ACVR1B: variants seen among roughly 807,000 people sequenced by gnomAD.
ACVR1B encodes activin A receptor type 1B.
In ACVR1B, 15 loss-of-function variants were observed where a neutral mutation model predicts 55.6. The ratio of observed to expected loss-of-function variants is 0.27; its 90% CI spans 0.18 to 0.42. ACVR1B has a LOEUF of 0.42. Ranked by LOEUF, ACVR1B falls within the 10% of genes least tolerant of loss-of-function variation. The pLI, the probability that ACVR1B is intolerant of heterozygous loss-of-function variation, is 1.00. For missense variants in ACVR1B, 359 were observed against 670.1 expected, an observed-to-expected ratio of 0.54 and a Z score of 5.13; for synonymous variants, 247 against 254.6, an observed-to-expected ratio of 0.97 and a Z score of 0.28.
chr12:51,952,868 T>G (rs1234594717), intron 1 of ACVR1B, among the ~76,000 whole-genome samples: 1 of 98,894 alleles, frequency 1.0e-5, no homozygotes, highest in Non-Finnish European at 1.9e-5. Context: ...GCGGCTCGCC[T>G]TATACCACCC....
At chr12:51,990,258 ACTCC>A (rs1942164238) in intron 7 of ACVR1B, among the ~76,000 whole-genome samples, 1 of 147,120 alleles carries the variant, frequency 6.8e-6, no homozygotes, top group Admixed American at 6.9e-5. Flanking sequence ...GCGCCATTGC[ACTCC>A]AGCCTGGGTG....
chr12:51,967,221 C>T (rs1941658995), intron 1 of ACVR1B, among the ~76,000 whole-genome samples: 1 of 150,792 alleles, frequency 6.6e-6, no homozygotes, highest in Non-Finnish European at 1.5e-5. Flanking sequence ...GCCTGGGCGA[C>T]AGCGCGAGAC....
At chr12:51,993,910 A>G (rs1226459333) in intron 8 of ACVR1B, 75 bp from the exon 9 acceptor site, 17 of 1,576,858 alleles carry the variant, frequency 1.1e-5, no homozygotes, top group Middle Eastern at 1.7e-4. Context: ...TGGCAGGGAA[A>G]TGAGTGAGAG....
intron 8 of ACVR1B, 153 bp downstream of exon 8, chr12:51,992,146 T>A: frequency 7.1e-6 from 7 of 979,466 alleles, no homozygotes; most frequent in Non-Finnish European, 9.0e-6. Context: ...CCCAAGCCCT[T>A]TAGGGCTACA....
At chr12:51,965,837 A>T (rs1209396295) in intron 1 of ACVR1B, among the ~76,000 whole-genome samples, 1 of 152,242 alleles carries the variant, frequency 6.6e-6, no homozygotes, top group Non-Finnish European at 1.5e-5. Context: ...ACGCAGTCTT[A>T]GAACTACTTA....
intron 4 of ACVR1B, chr12:51,982,891 CTT>C: frequency 7.5e-7 from 1 of 1,340,912 alleles, no homozygotes; most frequent in Non-Finnish European, 9.7e-7. Flanking sequence ...CATGTCTTCT[CTT>C]TGAACTTGTT....
In ACVR1B at chr12:51,980,953, A is replaced by T; in HGVS notation, c.581-16A>T. The stretch of plus-strand genomic sequence containing the variant: ...AATTTGCAATGTCAGGTTTCTTCCT[A>T]TTCTTTGGTTCACAGGGTTACCCCT... On this transcript the variant is annotated splice_polypyrimidine_tract_variant and intron_variant, in intron 3 of 8. Transcript: ENST00000257963. 1.9e-6 allele frequency: 3 copies of T among 1,571,802 alleles called. No individual in the cohort carries two copies. The highest frequency in any genetic ancestry group is 1.7e-6 in the Non-Finnish European group (2 of 1,158,460).
intron 7 of ACVR1B, among the ~76,000 whole-genome samples, chr12:51,991,123 A>G (rs960886945): frequency 4.6e-5 from 7 of 152,232 alleles, no homozygotes; most frequent in African/African-American, 1.7e-4. Flanking sequence ...GGCAGAAAAA[A>G]TACTTGATTC....
intron 6 of ACVR1B, among the ~76,000 whole-genome samples, chr12:51,985,870 T>G (rs1942066702): frequency 6.6e-6 from 1 of 152,156 alleles, no homozygotes; most frequent in Non-Finnish European, 1.5e-5. Context: ...GCAAATTGAC[T>G]TCATGAGTTG....
rs1373834902 is a variant in ACVR1B, at chr12:51,967,944, A to G, written c.92-7321A>G. On this transcript the variant is annotated intron_variant, in intron 1 of 8. Transcript: ENST00000257963. Reference sequence around the variant, plus strand: ...AGGAGGTAGCAGAGAAACTAAAAGAATTATTTCTGGCTGGGCGCGGTGGCT... The same window carrying G: ...AGGAGGTAGCAGAGAAACTAAAAGAGTTATTTCTGGCTGGGCGCGGTGGCT... Among the ~76,000 whole-genome samples, 7 of 152,292 alleles carry G rather than the reference A, an allele frequency of 4.6e-5. No individual in the cohort carries two copies. In the East Asian group the frequency reaches 9.7e-4, roughly 21 times the overall value.
Position 51,992,013 on chromosome 12 carries a change from C to T in ACVR1B, c.1392+20C>T, listed in dbSNP as rs370784076. The T allele has an allele frequency of 1.0e-4, 169 of 1,614,210 alleles. No individual in the cohort carries two copies. The highest frequency in any genetic ancestry group is 6.6e-4 in the Middle Eastern group (4 of 6,060). ...TATGAGGTAAGAAGCTGGCCTCCTG[C>T]GGCTTTCCCATCAGCCTGATTTCTC... On this transcript the variant is annotated intron_variant, in intron 8 of 8. Transcript: ENST00000257963.
At chr12:51,986,264 CTT>C (rs1373097657) in intron 6 of ACVR1B, among the ~76,000 whole-genome samples, 2 of 152,146 alleles carry the variant, frequency 1.3e-5, no homozygotes, top group Non-Finnish European at 2.9e-5. Context: ...TTTACTCTCT[CTT>C]TGTTTTTTTG....
Position 51,983,869 on chromosome 12 carries a change from G to A in ACVR1B, c.812-130G>A, listed in dbSNP as rs1942028495. On this transcript the variant is annotated intron_variant, in intron 4 of 8. Coordinates refer to ENST00000257963, the MANE Select transcript of ACVR1B (RefSeq NM_004302.5). ...AAGGATGCTAGATGGGGCTTCAGGG[G>A]GCATGGAGGTGGGAAATGTGAATTC... 4 of 880,686 alleles carry A rather than the reference G, an allele frequency of 4.5e-6. No homozygotes were observed. The South Asian group carries it at 5.0e-5, about 11-fold the overall frequency. The allele number at this position is 880,686 out of a possible 1,614,324, so 54.6% of individuals were successfully genotyped here. A position where few individuals can be genotyped will look rare whatever the true frequency, so the allele number is the denominator to read the frequency against.
At chr12:51,979,265 AGACCAGCCT>A (rs1259529280) in intron 3 of ACVR1B, among the ~76,000 whole-genome samples, 1 of 151,540 alleles carries the variant, frequency 6.6e-6, no homozygotes, top group Non-Finnish European at 1.5e-5. Context: ...CAGGAGTTCG[AGACCAGCCT>A]GACCAACATG....
rs2242106 is a variant in ACVR1B at position 51,975,516 on chromosome 12, C to A, written c.331+12C>A. 1 of 1,605,400 alleles carries A rather than the reference C, an allele frequency of 6.2e-7. No individual in the cohort carries two copies. The highest frequency in any genetic ancestry group is 8.5e-7 in the Non-Finnish European group (1 of 1,172,756). ...GAGGGTGCCCAGTGGTGAGTGCATG[C>A]CCTTGTTGGGCTAGTGGCTCAGCTT... is the stretch of plus-strand genomic sequence containing the variant. On this transcript the variant is annotated intron_variant, in intron 2 of 8. Coordinates refer to ENST00000257963, the MANE Select transcript of ACVR1B (RefSeq NM_004302.5).
intron 6 of ACVR1B, among the ~76,000 whole-genome samples, chr12:51,985,808 G>A (rs1487363457): frequency 6.6e-6 from 1 of 152,174 alleles, no homozygotes; most frequent in African/African-American, 2.4e-5. Flanking sequence ...AAGATTATGG[G>A]CCTGCTTCCC....
At chr12:51,968,174 A>G (rs563805013) in intron 1 of ACVR1B, among the ~76,000 whole-genome samples, 6 of 152,228 alleles carry the variant, frequency 3.9e-5, no homozygotes, top group Non-Finnish European at 8.8e-5. Flanking sequence ...CAAAGGTTGC[A>G]GTGAGCTGAG....
chr12:51,973,829 A>C (rs1411610381), intron 1 of ACVR1B, among the ~76,000 whole-genome samples: 1 of 152,204 alleles, frequency 6.6e-6, no homozygotes, highest in East Asian at 1.9e-4. Flanking sequence ...TACACTGTCT[A>C]TCCACCTGCC....
At chr12:51,980,423 A>G (rs71449828) in intron 3 of ACVR1B, among the ~76,000 whole-genome samples, 4,259 of 152,288 alleles carry the variant, frequency 0.028, 76 homozygotes, top group Non-Finnish European at 0.038. Context: ...CTAAACATAG[A>G]TGGTCCTCCA....
Sources: allele counts gnomAD v4.1 joint callset (sites outside exome capture counted in the v4.1 genomes callset), GRCh38; gene constraint gnomAD v4.1.1; transcripts MANE v1.5; gene names NCBI Gene and HGNC (gene_info 2026-07-23, HGNC 2026-07-21).